Variants in GRIP2 observed in about 807,000 individuals in gnomAD.
The protein encoded by GRIP2 is glutamate receptor interacting protein 2.
Under a neutral mutation model 108.3 loss-of-function variants are expected in GRIP2, and 58 were observed. The ratio of observed to expected loss-of-function variants is 0.54; its 90% CI spans 0.43 to 0.67. The LOEUF is 0.67. Ranked by LOEUF, GRIP2 falls within the 30% of genes least tolerant of loss-of-function variation. The pLI is 0.00. For missense variants in GRIP2, 1,278 were observed against 1,430.6 expected (o/e 0.89, Z 1.72); for synonymous variants, 586 against 598.2 (o/e 0.98, Z 0.30).
At position 14,522,908 on chromosome 3, in the gene GRIP2, G is replaced by C; in HGVS notation, c.566+92C>G. 1 of 1,038,050 alleles carries C rather than the reference G, an allele frequency of 9.6e-7. No homozygotes were observed. The highest frequency in any genetic ancestry group is 1.5e-6 in the Non-Finnish European group (1 of 657,884). 64.3% of individuals were successfully genotyped at this position (1,038,050 alleles called of 1,614,324 possible). ...CCTCAGGGCCTCGATCTCTTCATCT[G>C]GGGAAGGGGCATGGTGACCCCACTC... On this transcript the variant is annotated intron_variant, in intron 6 of 23. Transcript: ENST00000621039. The surrounding 1 kb of genome is among the most constrained non-coding windows in gnomAD (Gnocchi z 4.3).
Position 14,517,115 on chromosome 3 carries a change from GA to G in GRIP2, c.1254del (p.Arg419GlufsTer20). On this transcript the variant is annotated frameshift_variant, in exon 11 of 24. Transcript: ENST00000621039. LOFTEE classifies it high-confidence loss of function. ...TLPRGSQPMS[P>X]RTTMGRRRQR... ...TGCCTCCTCCGCCCCATTGTAGTTC[GA>G]GGACTCATGGGCTGGGATCCACGGG... The G allele has an allele frequency of 6.2e-7, 1 of 1,609,408 alleles. No individual in the cohort carries two copies. The highest frequency in any genetic ancestry group is 8.5e-7 in the Non-Finnish European group (1 of 1,178,114).
At chr3:14,513,253 G>C (rs959444308) in intron 13 of GRIP2, among the ~76,000 whole-genome samples, 10 of 152,246 alleles carry the variant, frequency 6.6e-5, no homozygotes, top group African/African-American at 2.4e-4. Flanking sequence ...CCTAACCCAA[G>C]TACCGCCCCT....
At chr3:14,546,366 C>G (rs1695058198), upstream of GRIP2, among the ~76,000 whole-genome samples, 1 of 152,104 alleles carries the variant, frequency 6.6e-6, no homozygotes, top group East Asian at 1.9e-4. Flanking sequence ...GACCTAACTT[C>G]TATTTTGCAA....
rs1247963094 is a variant in GRIP2 at position 14,511,196 on chromosome 3, C to T, written c.1902G>A (p.Lys634=). 9 of 1,613,850 alleles carry T rather than the reference C, an allele frequency of 5.6e-6. No individual in the cohort carries two copies. Among genetic ancestry groups the T allele is most frequent in the African/African-American group, 1.3e-5 (1 of 74,922 alleles). The change falls in exon 16 of 24, where the codon AAG becomes AAA. Residue 634 remains lysine (K), a synonymous_variant. Transcript: ENST00000621039. This position sits in a 1 kb window ranked among gnomAD's most constrained non-coding sequence, Gnocchi z 4.1. ...QILRQCEDLV[K]LKIRKDEDNS... ...TGTCCTCGTCCTTCCGGATCTTCAG[C>T]TTCACCAGGTCCTCGCACTGCCGCA... is the stretch of plus-strand genomic sequence containing the variant.
rs13071643 is a variant in GRIP2, at chr3:14,490,517, T to C, written c.*3148A>G. 106,918 of 152,356 alleles carry C rather than the reference T, an allele frequency of 0.7. 39,018 individuals carry two copies. Among genetic ancestry groups the C allele is most frequent in the African/African-American group, 0.9 (37,458 of 41,574 alleles). 9.4% of individuals were successfully genotyped at this position (152,356 alleles called of 1,614,324 possible). A position where few individuals can be genotyped will look rare whatever the true frequency, so the allele number is the denominator to read the frequency against. ...GACACTCCAGGGCAGCAGCCAGACC[T>C]GAGGCTGCCCTCCTGCCACTACCTT... On this transcript the variant is annotated 3_prime_UTR_variant, in exon 24 of 24. Coordinates refer to ENST00000621039, the MANE Select transcript of GRIP2 (RefSeq NM_001080423.4).
intron 21 of GRIP2, among the ~76,000 whole-genome samples, chr3:14,501,640 A>G (rs551965913): frequency 6.6e-6 from 1 of 152,386 alleles, no homozygotes; most frequent in East Asian, 1.9e-4. Flanking sequence ...TCTTAAAAAT[A>G]CACATAAACT....
At position 14,496,531 on chromosome 3, in the gene GRIP2, C is replaced by A. The variant is rs776857101; in HGVS notation, c.2709G>T (p.Arg903Ser). The stretch of plus-strand genomic sequence containing the variant: ...GGCCAGGCCTGCCCTCGAGGGCCAC[C>A]CTCTGCACGGTGCCCGTCATGATGG... ...EASIMTGTVQ[R>S]VALEGRPGHR... Residue 903 changes from arginine (R) to serine (S), a missense_variant, in exon 22 of 24, where the codon AGG becomes AGT. Arg to Ser is a moderately radical substitution (Grantham distance 110). Transcript: ENST00000621039. 9.9e-6 allele frequency: 16 copies of A among 1,611,694 alleles called. No homozygotes were observed. Among genetic ancestry groups the A allele is most frequent in the Admixed American group, 5.0e-5 (3 of 59,864 alleles).
chr3:14,591,472 A>G, the GRIP2 span, among the ~76,000 whole-genome samples: 1 of 152,178 alleles, frequency 6.6e-6, no homozygotes, highest in African/African-American at 2.4e-5. Context: ...CAATTATGAG[A>G]TGGAAATAAT....
At chr3:14,594,587 G>A in the GRIP2 span, among the ~76,000 whole-genome samples, 1 of 152,342 alleles carries the variant, frequency 6.6e-6, no homozygotes, top group African/African-American at 2.4e-5. Context: ...AGCTCCACTT[G>A]GGCCAGGGCA....
rs1390842448 is a variant in GRIP2 at position 14,512,272 on chromosome 3, T to G, written c.1720+505A>C. Among the ~76,000 whole-genome samples the G allele has an allele frequency of 6.6e-6, 1 of 152,134 alleles. No homozygotes were observed. Among genetic ancestry groups the G allele is most frequent in the Non-Finnish European group, 1.5e-5 (1 of 68,004 alleles). Reference sequence around the variant, plus strand: ...GGGTCCAGAGCACAGAGGGCCTCACTGGGGCCCGAGGCCCTCAGCTTTTAC... The same window carrying G: ...GGGTCCAGAGCACAGAGGGCCTCACGGGGGCCCGAGGCCCTCAGCTTTTAC... On this transcript the variant is annotated intron_variant, in intron 14 of 23. Coordinates refer to ENST00000621039, the MANE Select transcript of GRIP2 (RefSeq NM_001080423.4). The surrounding 1 kb of genome is among the most constrained non-coding windows in gnomAD (Gnocchi z 5.1).
intron 1 of GRIP2, among the ~76,000 whole-genome samples, chr3:14,534,293 C>G (rs1694781386): frequency 6.6e-6 from 1 of 152,144 alleles, no homozygotes; most frequent in Non-Finnish European, 1.5e-5. Context: ...ATGGCTGACT[C>G]CAGCTGGCCA....
In GRIP2 at chr3:14,507,628, G is replaced by A. The variant is rs1693967516; in HGVS notation, c.2151C>T (p.Ser717=). The change falls in exon 18 of 24, where the codon AGC becomes AGT. Residue 717 remains serine, a synonymous_variant. Transcript: ENST00000621039. This position sits in a 1 kb window ranked among gnomAD's most constrained non-coding sequence, Gnocchi z 4.6. The part of the protein sequence containing the change: ...NNVSLKGRPL[S]EAIHLLQVAG... ...CCACCTGCAGGAGGTGGATGGCCTC[G>A]CTCAGCGGCCGGCCCTTGAGGCTAA... 5 of 1,613,852 alleles carry A rather than the reference G, an allele frequency of 3.1e-6. No homozygotes were observed. The highest frequency in any genetic ancestry group is 1.1e-5 in the South Asian group (1 of 91,082).
chr3:14,579,337 A>G, the GRIP2 span, among the ~76,000 whole-genome samples: 1 of 152,374 alleles, frequency 6.6e-6, no homozygotes, highest in East Asian at 1.9e-4. Context: ...ATAAAAATGT[A>G]TACACTTGTC....
At chr3:14,555,801 C>T (rs191789431) in intron 1 of GRIP2, 28 of 399,522 alleles carry the variant, frequency 7.0e-5, no homozygotes, top group African/African-American at 5.5e-4. Flanking sequence ...AAAGGCTCCG[C>T]GAGAGAGACG....
At chr3:14,549,367 T>C (rs1230523376) in intron 1 of GRIP2, among the ~76,000 whole-genome samples, 1 of 152,214 alleles carries the variant, frequency 6.6e-6, no homozygotes, top group Non-Finnish European at 1.5e-5. Flanking sequence ...TTATCCCAGC[T>C]GCAGCCTGCC....
the GRIP2 span, among the ~76,000 whole-genome samples, chr3:14,598,347 G>C: frequency 3.8e-4 from 56 of 147,612 alleles, no homozygotes; most frequent in East Asian, 5.9e-3. Context: ...ACCACAGGGG[G>C]ACACACACAC....
chr3:14,497,053 A>G (rs963795857), intron 21 of GRIP2, among the ~76,000 whole-genome samples: 3 of 149,952 alleles, frequency 2.0e-5, no homozygotes, highest in Admixed American at 6.7e-5. Flanking sequence ...CCTCCGCCTC[A>G]CAGGTTCAAG....
At chr3:14,558,019 G>T (rs920345757), upstream of GRIP2, among the ~76,000 whole-genome samples, 3 of 152,204 alleles carry the variant, frequency 2.0e-5, no homozygotes, top group African/African-American at 7.2e-5. Flanking sequence ...ATTCCGCATG[G>T]AGCCCAACCC....
intron 16 of GRIP2, among the ~76,000 whole-genome samples, chr3:14,510,740 C>T (rs537243634): frequency 6.6e-6 from 1 of 152,274 alleles, no homozygotes; most frequent in African/African-American, 2.4e-5. Context: ...TACAGCTTTT[C>T]TCACTCATTT....
Sources: gnomAD v4.1 joint callset for allele counts (sites outside exome capture counted in the v4.1 genomes callset) on GRCh38, gnomAD v4.1.1 for gene constraint, Gnocchi (gnomAD v3.1) non-coding constraint, MANE v1.5 for transcripts, NCBI Gene and HGNC (gene_info 2026-07-23, HGNC 2026-07-21) for gene names.